Variants in FSTL4 observed in about 807,000 individuals in gnomAD.
The protein encoded by FSTL4 is follistatin-related protein 4.
A neutral mutation model predicts 78.2 loss-of-function variants in FSTL4; 28 were observed. The observed-to-expected ratio is 0.36, with a 90% CI of 0.27 to 0.49. FSTL4 has a LOEUF of 0.49. FSTL4 is among the 20% of genes least tolerant of loss of function. FSTL4 has a pLI of 0.98. For missense variants in FSTL4, 922 were observed against 1,084.9 expected, an observed-to-expected ratio of 0.85 and a Z score of 2.11; for synonymous variants, 422 against 440.5, an observed-to-expected ratio of 0.96 and a Z score of 0.53.
At chr5:133,299,884 G>A (rs188368180) in intron 6 of FSTL4, among the ~76,000 whole-genome samples, 24 of 152,190 alleles carry the variant, frequency 1.6e-4, no homozygotes, top group Non-Finnish European at 2.9e-4. Context: ...ACTGTCTACA[G>A]GGCAGACATC....
At position 133,440,931 on chromosome 5, in the gene FSTL4, C is replaced by T. The variant is rs992643844; in HGVS notation, c.161-39945G>A. Among the ~76,000 whole-genome samples, 1 of 152,170 alleles carries T rather than the reference C, an allele frequency of 6.6e-6. No individual in the cohort carries two copies. The highest frequency in any genetic ancestry group is 1.5e-5 in the Non-Finnish European group (1 of 68,038). On this transcript the variant is annotated intron_variant, in intron 3 of 15. Transcript: ENST00000265342. The surrounding 1 kb of genome is among the most constrained non-coding windows in gnomAD (Gnocchi z 4.1). ...TGGGTCTGGGTCAGGGCCAGCCCTG[C>T]TCCTGAGGATAGTCAGAAAAAGGAA...
chr5:133,768,083 G>A, the FSTL4 span, among the ~76,000 whole-genome samples: 3 of 152,058 alleles, frequency 2.0e-5, no homozygotes, highest in African/African-American at 7.2e-5. Flanking sequence ...AAAAAATCTG[G>A]GAACCCAAGG....
chr5:133,690,609 T>C, the FSTL4 span, among the ~76,000 whole-genome samples: 1 of 152,190 alleles, frequency 6.6e-6, no homozygotes, highest in African/African-American at 2.4e-5. Flanking sequence ...TCTGGGTGAA[T>C]GATAAATTCC....
intron 6 of FSTL4, among the ~76,000 whole-genome samples, chr5:133,281,296 CTGT>C (rs1753004501): frequency 6.6e-6 from 1 of 152,162 alleles, no homozygotes; most frequent in Non-Finnish European, 1.5e-5. Context: ...TCCCTGCTGA[CTGT>C]TGCCTGAAAC....
At chr5:133,672,922 G>A in the FSTL4 span, among the ~76,000 whole-genome samples, 1 of 152,226 alleles carries the variant, frequency 6.6e-6, no homozygotes, top group Non-Finnish European at 1.5e-5. Flanking sequence ...TCAGGGCACA[G>A]CTTAGTTTTA....
intron 4 of FSTL4, among the ~76,000 whole-genome samples, chr5:133,335,681 T>TGG (rs574479956): frequency 0.15 from 22,702 of 150,262 alleles, 1,917 homozygotes; most frequent in East Asian, 0.35. Flanking sequence ...TCCCCTTTCT[T>TGG]GGGGGGGGTG....
chr5:133,502,026 G>A lies in FSTL4; in HGVS notation c.160+65160C>T, dbSNP rs190243925. Among the ~76,000 whole-genome samples the A allele has an allele frequency of 1.3e-4, 20 of 152,336 alleles. No individual in the cohort carries two copies. The East Asian group carries it at 3.9e-3, about 29-fold the overall frequency. On this transcript the variant is annotated intron_variant, in intron 3 of 15. Transcript: ENST00000265342. ...AGGCAAGGGACACCTGGGGCTTCCAGAAGCTGGAAGGGGCAGGAAGGCCTC... is the reference window on the plus strand; with the variant it reads ...AGGCAAGGGACACCTGGGGCTTCCAAAAGCTGGAAGGGGCAGGAAGGCCTC...
chr5:133,841,331 C>T, the FSTL4 span, among the ~76,000 whole-genome samples: 1 of 152,214 alleles, frequency 6.6e-6, no homozygotes, highest in Non-Finnish European at 1.5e-5. Context: ...TGTAGCCATC[C>T]AGACAATAAA....
chr5:133,799,718 C>T, the FSTL4 span, among the ~76,000 whole-genome samples: 6 of 139,542 alleles, frequency 4.3e-5, 1 homozygote, highest in East Asian at 3.9e-4. Flanking sequence ...ACGCCTCCCC[C>T]TCCTGGCCCA....
intron 6 of FSTL4, among the ~76,000 whole-genome samples, chr5:133,270,772 A>G (rs973111639): frequency 6.6e-6 from 1 of 152,124 alleles, no homozygotes; most frequent in African/African-American, 2.4e-5. Flanking sequence ...CCCCTACTCT[A>G]TGCTCTCCTG....
At chr5:133,496,929 C>T (rs557446918) in intron 3 of FSTL4, among the ~76,000 whole-genome samples, 2 of 152,314 alleles carry the variant, frequency 1.3e-5, no homozygotes, top group South Asian at 4.1e-4. Context: ...CTGCCTCCCG[C>T]CCATCTTCTG....
rs769217641 is a variant in FSTL4 at position 133,611,781 on chromosome 5, G to A, written c.-11+544C>T. Among the ~76,000 whole-genome samples, 1 of 152,150 alleles carries A rather than the reference G, an allele frequency of 6.6e-6. No homozygotes were observed. Among genetic ancestry groups the A allele is most frequent in the East Asian group, 1.9e-4 (1 of 5,148 alleles). ...CCAGGCGAAGCGCAGCGGGCCCTTT[G>A]GGCTGCAGCGAGGAGACGCAAGTTT... On this transcript the variant is annotated intron_variant, in intron 1 of 15. Transcript: ENST00000265342. This position sits in a 1 kb window ranked among gnomAD's most constrained non-coding sequence, Gnocchi z 4.9.
At chr5:133,641,626 A>C in the FSTL4 span, among the ~76,000 whole-genome samples, 4 of 152,326 alleles carry the variant, frequency 2.6e-5, no homozygotes, top group South Asian at 4.1e-4. Context: ...ATACACATAC[A>C]TAGGCAAAAA....
intron 4 of FSTL4, among the ~76,000 whole-genome samples, chr5:133,339,476 C>A (rs1754538038): frequency 6.6e-6 from 1 of 152,084 alleles, no homozygotes; most frequent in Non-Finnish European, 1.5e-5. Flanking sequence ...GCCCTGGACA[C>A]CCCCTCAGAA....
intron 4 of FSTL4, among the ~76,000 whole-genome samples, chr5:133,382,531 T>C (rs1166189960): frequency 6.6e-6 from 1 of 152,194 alleles, no homozygotes; most frequent in African/African-American, 2.4e-5. Context: ...TTACTTATAA[T>C]CCAGACTGTG....
chr5:133,232,590 A>G (rs189081205), intron 8 of FSTL4, among the ~76,000 whole-genome samples: 1 of 152,302 alleles, frequency 6.6e-6, no homozygotes, highest in East Asian at 1.9e-4. Context: ...CAAGCATTAT[A>G]TACATATTCT....
chr5:133,445,112 C>T (rs1757235641), intron 3 of FSTL4, among the ~76,000 whole-genome samples: 1 of 152,256 alleles, frequency 6.6e-6, no homozygotes, highest in African/African-American at 2.4e-5. Context: ...CCCAGCAATC[C>T]AGACCTGCTT....
chr5:133,224,622 A>T (rs150055086), intron 10 of FSTL4, among the ~76,000 whole-genome samples: 221 of 152,332 alleles, frequency 1.5e-3, no homozygotes, highest in African/African-American at 5.1e-3. Flanking sequence ...CTTTGATGAA[A>T]ATGGCTTAGC....
At chr5:133,701,468 A>AACACAC in the FSTL4 span, among the ~76,000 whole-genome samples, 2,216 of 129,040 alleles carry the variant, frequency 0.017, 61 homozygotes, top group African/African-American at 0.049. Flanking sequence ...AAGACACAGA[A>AACACAC]ACACACACAC....
Sources: allele counts gnomAD v4.1 joint callset (sites outside exome capture counted in the v4.1 genomes callset), GRCh38; gene constraint gnomAD v4.1.1; non-coding constraint Gnocchi (gnomAD v3.1); transcripts MANE v1.5; gene names NCBI Gene and HGNC (gene_info 2026-07-23, HGNC 2026-07-21).